The following GLS variants were observed in gnomAD, a reference collection of about 807,000 sequenced individuals.
The protein encoded by GLS is glutaminase kidney isoform, mitochondrial.
A neutral mutation model predicts 86.7 loss-of-function variants in GLS; 36 were observed. The observed-to-expected ratio is 0.42, with a 90% CI of 0.32 to 0.55. GLS has a LOEUF of 0.55. GLS is among the 20% of genes least tolerant of loss of function. The pLI is 0.17. For missense variants in GLS, 528 were observed against 833.4 expected (o/e 0.63, Z 4.51); for synonymous variants, 317 against 305.9 (o/e 1.04, Z -0.38).
At chr2:190,906,505 GA>G (rs1305135320) in intron 6 of GLS, among the ~76,000 whole-genome samples, 1 of 152,000 alleles carries the variant, frequency 6.6e-6, no homozygotes, top group Non-Finnish European at 1.5e-5. Flanking sequence ...TTCTATATAA[GA>G]AAAAATGACA....
chr2:190,917,988 A>G (rs1689598538), intron 7 of GLS, among the ~76,000 whole-genome samples: 2 of 152,076 alleles, frequency 1.3e-5, no homozygotes, highest in Admixed American at 1.3e-4. Context: ...TCAATAAACA[A>G]GGTTGTAAAC....
chr2:190,926,212 A>AGTATTATTCCAATTAATT (rs1558984034), intron 11 of GLS, among the ~76,000 whole-genome samples: 4 of 152,218 alleles, frequency 2.6e-5, no homozygotes, highest in Non-Finnish European at 5.9e-5. Context: ...AATTAATGTT[A>AGTATTATTCCAATTAATT]AGTATAAATT....
chr2:190,906,377 G>T (rs925516642), intron 6 of GLS, among the ~76,000 whole-genome samples: 1 of 151,960 alleles, frequency 6.6e-6, no homozygotes, highest in African/African-American at 2.4e-5. Context: ...ATGTTTAGAG[G>T]ATTTCAGAAA....
intron 1 of GLS, among the ~76,000 whole-genome samples, chr2:190,886,528 AG>A (rs1302639064): frequency 6.6e-6 from 1 of 152,106 alleles, no homozygotes; most frequent in Non-Finnish European, 1.5e-5. Flanking sequence ...GCTAAAAGGG[AG>A]GGGGGGCACT....
At chr2:190,892,124 A>C (rs1057149936) in intron 1 of GLS, among the ~76,000 whole-genome samples, 1 of 152,196 alleles carries the variant, frequency 6.6e-6, no homozygotes, top group Non-Finnish European at 1.5e-5. Context: ...GTCTAACATG[A>C]TGTCATACAT....
At chr2:190,902,090 T>A (rs1209801951) in intron 5 of GLS, 64 bp downstream of exon 5, 1 of 881,878 alleles carries the variant, frequency 1.1e-6, no homozygotes, top group East Asian at 2.4e-5. Context: ...ATGGTGAGAA[T>A]GACATGGAGA....
intron 14 of GLS, among the ~76,000 whole-genome samples, chr2:190,942,556 C>T (rs1690469127): frequency 6.6e-6 from 1 of 152,114 alleles, no homozygotes; most frequent in Admixed American, 6.6e-5. Context: ...ATAGGATTGG[C>T]AGCACTTGGT....
chr2:190,900,283 A>G (rs929571182), intron 3 of GLS, among the ~76,000 whole-genome samples: 1 of 152,152 alleles, frequency 6.6e-6, no homozygotes, highest in Admixed American at 6.5e-5. Context: ...CTTGTTTCAG[A>G]TGGTCTTAAT....
At chr2:190,890,853 C>T (rs185973878) in intron 1 of GLS, among the ~76,000 whole-genome samples, 81 of 151,302 alleles carry the variant, frequency 5.4e-4, no homozygotes, top group South Asian at 1.7e-3. Context: ...ATAGGTTTAC[C>T]ATACTATACT....
intron 11 of GLS, among the ~76,000 whole-genome samples, chr2:190,926,336 G>A (rs1261216812): frequency 6.6e-6 from 1 of 152,106 alleles, no homozygotes; most frequent in Non-Finnish European, 1.5e-5. Flanking sequence ...GAGAAATAGG[G>A]AAGAGATTTT....
intron 14 of GLS, 41 bp downstream of exon 14, chr2:190,931,678 A>G: frequency 1.1e-6 from 1 of 934,424 alleles, no homozygotes; most frequent in South Asian, 1.5e-5. Flanking sequence ...TAAAATTTTT[A>G]AGAAGAGAAA....
chr2:190,938,553 T>TA lies in GLS; in HGVS notation c.1650+6917dup, dbSNP rs1690339517. Among the ~76,000 whole-genome samples the TA allele has an allele frequency of 6.6e-6, 1 of 151,598 alleles. No homozygotes were observed. Among genetic ancestry groups the TA allele is most frequent in the African/African-American group, 2.4e-5 (1 of 41,436 alleles). On this transcript the variant is annotated intron_variant, in intron 14 of 17. Coordinates refer to ENST00000320717, the MANE Select transcript of GLS (RefSeq NM_014905.5). The surrounding 1 kb of genome is among the most constrained non-coding windows in gnomAD (Gnocchi z 4.1). ...TGAATTTGAAAGTAATCTTAAATGT[T>TA]ACCTGGTACAGACTCCCACCCCACT... is the stretch of plus-strand genomic sequence containing the variant.
At chr2:190,934,630 AC>A in intron 14 of GLS, 1 of 984,428 alleles carries the variant, frequency 1.0e-6, no homozygotes, top group Non-Finnish European at 1.2e-6. Context: ...CTAAATTGTT[AC>A]ATTTTACCAT....
rs11363248 is a variant in GLS at position 190,913,042 on chromosome 2, A to AT, written c.1038+2732dup. Among the ~76,000 whole-genome samples the AT allele has an allele frequency of 8.6e-5, 13 of 151,036 alleles. 1 individual carries two copies. Among genetic ancestry groups the AT allele is most frequent in the Admixed American group, 2.6e-4 (4 of 15,144 alleles). ...ATTGATGACCTTAAGGCTATTTGTG[A>AT]TTTTTTTTTTTCTTTCAAAATTCAG... On this transcript the variant is annotated intron_variant, in intron 7 of 17. Transcript: ENST00000320717. This position sits in a 1 kb window ranked among gnomAD's most constrained non-coding sequence, Gnocchi z 6.1.
rs562651272 is a variant in GLS at position 190,893,592 on chromosome 2, G to A, written c.387-1560G>A. Among the ~76,000 whole-genome samples the A allele has an allele frequency of 3.3e-5, 5 of 152,178 alleles. No homozygotes were observed. In the South Asian group the frequency reaches 1.0e-3, roughly 32 times the overall value. The stretch of plus-strand genomic sequence containing the variant: ...TTATTATTACTAAAACATCCCAAAT[G>A]TATTTTTTTTGGAGACAGAGTCTCG... On this transcript the variant is annotated intron_variant, in intron 1 of 17. Coordinates refer to ENST00000320717, the MANE Select transcript of GLS (RefSeq NM_014905.5).
In GLS at chr2:190,900,647, A is replaced by T; in HGVS notation, c.689A>T (p.His230Leu). Reference sequence around the variant, plus strand: ...CCTGACTTTATGTCTTTTACCTCACACATTGATGAGTTATATGAAAGTGCT... The same window carrying T: ...CCTGACTTTATGTCTTTTACCTCACTCATTGATGAGTTATATGAAAGTGCT... ...VIPDFMSFTS[H>L]IDELYESAKK... is the part of the protein sequence containing the mutation. The change falls in exon 4 of 18, where the codon CAC (histidine) becomes CTC (leucine). Residue 230 changes from histidine to leucine, a missense_variant. Physicochemically the swap from His to Leu is moderately conservative, Grantham distance 99. Coordinates refer to ENST00000320717, the MANE Select transcript of GLS (RefSeq NM_014905.5). The T allele has an allele frequency of 6.2e-7, 1 of 1,605,186 alleles. No homozygotes were observed.
chr2:190,961,860 A>G (rs1558998234), intron 17 of GLS, among the ~76,000 whole-genome samples: 2 of 152,208 alleles, frequency 1.3e-5, no homozygotes, highest in African/African-American at 2.4e-5. Context: ...CAGGACAGAG[A>G]TGGAAAGGAA....
rs1245901366 is a variant in GLS, at chr2:190,962,544, C to T, written c.1854-286C>T. 6.6e-6 allele frequency among the ~76,000 whole-genome samples: 1 copy of T among 152,272 alleles called. No homozygotes were observed. The highest frequency in any genetic ancestry group is 1.9e-4 in the East Asian group (1 of 5,180). On this transcript the variant is annotated intron_variant, in intron 17 of 17. Coordinates refer to ENST00000320717, the MANE Select transcript of GLS (RefSeq NM_014905.5). This position sits in a 1 kb window ranked among gnomAD's most constrained non-coding sequence, Gnocchi z 4.2. ...CTAGAGCAGTCTATTATATCTGTCACCACAAGGACTTTCCTTAAAAAGCTC... is the reference window on the plus strand; with the variant it reads ...CTAGAGCAGTCTATTATATCTGTCATCACAAGGACTTTCCTTAAAAAGCTC...
At position 190,924,616 on chromosome 2, in the gene GLS, A is replaced by T; in HGVS notation, c.1248+23A>T. 1 of 1,283,518 alleles carries T rather than the reference A, an allele frequency of 7.8e-7. No individual in the cohort carries two copies. The highest frequency in any genetic ancestry group is 1.1e-6 in the Non-Finnish European group (1 of 878,358). The allele number at this position is 1,283,518 out of a possible 1,614,324, so 79.5% of individuals were successfully genotyped here. A position where few individuals can be genotyped will look rare whatever the true frequency, so the allele number is the denominator to read the frequency against. On this transcript the variant is annotated intron_variant, in intron 11 of 17. Coordinates refer to ENST00000320717, the MANE Select transcript of GLS (RefSeq NM_014905.5). This position sits in a 1 kb window ranked among gnomAD's most constrained non-coding sequence, Gnocchi z 5.2. ...CAGGTAATCTAATTATGTAAATCGT[A>T]TATATAAATGGATGTGTCGGCTGGG...
Sources: gnomAD v4.1 joint callset for allele counts (sites outside exome capture counted in the v4.1 genomes callset) on GRCh38, gnomAD v4.1.1 for gene constraint, Gnocchi (gnomAD v3.1) non-coding constraint, MANE v1.5 for transcripts, NCBI Gene and HGNC (gene_info 2026-07-23, HGNC 2026-07-21) for gene names.